TBX4: variants seen among roughly 807,000 people sequenced by gnomAD.
TBX4 encodes T-box transcription factor TBX4.
TBX4 carries 13 observed loss-of-function variants against 54.6 expected under a neutral mutation model. The observed-to-expected ratio is 0.24, with a 90% CI of 0.15 to 0.38. The LOEUF is 0.38. Ranked by LOEUF, TBX4 falls within the 10% of genes least tolerant of loss-of-function variation. TBX4 has a pLI of 1.00. For missense variants in TBX4, 631 were observed against 728.5 expected (o/e 0.87, Z 1.54); for synonymous variants, 314 against 306.7 (o/e 1.02, Z -0.25).
chr17:61,453,445 A>G (rs983373569), intron 1 of TBX4, among the ~76,000 whole-genome samples: 9 of 152,226 alleles, frequency 5.9e-5, no homozygotes, highest in Non-Finnish European at 1.0e-4. Context: ...GTGAACTATT[A>G]AAAGAAATAT....
chr17:61,467,183 T>G, intron 4 of TBX4, among the ~76,000 whole-genome samples: 1 of 152,114 alleles, frequency 6.6e-6, no homozygotes, highest in East Asian at 1.9e-4. Flanking sequence ...AAATCATAAG[T>G]GTAAATATAC....
At chr17:61,452,962 A>C in intron 1 of TBX4, 1 of 985,454 alleles carries the variant, frequency 1.0e-6, no homozygotes, top group Non-Finnish European at 1.2e-6. Flanking sequence ...GGGCCCCGGT[A>C]CTGGAGCGAA....
At chr17:61,469,402 G>A (rs2060560014) in intron 5 of TBX4, among the ~76,000 whole-genome samples, 1 of 152,194 alleles carries the variant, frequency 6.6e-6, no homozygotes, top group South Asian at 2.1e-4. Context: ...GGTGCCCCTG[G>A]CTGCATCTGC....
At position 61,475,381 on chromosome 17, in the gene TBX4, T is replaced by A. The variant is rs183648845; in HGVS notation, c.550-3246T>A. On this transcript the variant is annotated intron_variant, in intron 5 of 8. Coordinates refer to ENST00000644296, the MANE Select transcript of TBX4 (RefSeq NM_001321120.2). The surrounding 1 kb of genome is among the most constrained non-coding windows in gnomAD (Gnocchi z 5.0). ...AAAGAGGAGGAAATACAAAAGGCCC[T>A]GCTCTTAAGCAATGCACATCTTCCT... Among the ~76,000 whole-genome samples the A allele has an allele frequency of 1.3e-5, 2 of 152,322 alleles. No individual in the cohort carries two copies. The highest frequency in any genetic ancestry group is 3.9e-4 in the East Asian group (2 of 5,184).
At position 61,474,380 on chromosome 17, in the gene TBX4, T is replaced by A. The variant is rs1002021504; in HGVS notation, c.550-4247T>A. Among the ~76,000 whole-genome samples, 1 of 152,184 alleles carries A rather than the reference T, an allele frequency of 6.6e-6. No homozygotes were observed. The highest frequency in any genetic ancestry group is 2.4e-5 in the African/African-American group (1 of 41,434). On this transcript the variant is annotated intron_variant, in intron 5 of 8. Transcript: ENST00000644296. The surrounding 1 kb of genome is among the most constrained non-coding windows in gnomAD (Gnocchi z 4.6). Reference sequence around the variant, plus strand: ...AGGCCATCTGGATCCTGCTCCAGACTGTGTCTCCAACCAGCTGTGTGTTCC... The same window carrying A: ...AGGCCATCTGGATCCTGCTCCAGACAGTGTCTCCAACCAGCTGTGTGTTCC...
chr17:61,473,603 A>G (rs1361996179), intron 5 of TBX4, among the ~76,000 whole-genome samples: 3 of 152,206 alleles, frequency 2.0e-5, no homozygotes, highest in Non-Finnish European at 4.4e-5. Flanking sequence ...ACTCCAGATC[A>G]GGTCCCACCC....
chr17:61,458,794 T>TA (rs1268523634), intron 3 of TBX4, among the ~76,000 whole-genome samples: 2 of 152,262 alleles, frequency 1.3e-5, no homozygotes. Context: ...TAGAGAAGTG[T>TA]CTGGCGTCCC....
chr17:61,465,735 C>A lies in TBX4; in HGVS notation c.282-84C>A. On this transcript the variant is annotated intron_variant, in intron 3 of 8. Coordinates refer to ENST00000644296, the MANE Select transcript of TBX4 (RefSeq NM_001321120.2). This position sits in a 1 kb window ranked among gnomAD's most constrained non-coding sequence, Gnocchi z 4.9. ...TGGCCAAAAGGGCAGCATCTGTTAG[C>A]GGCCTTCTGCCCCCTTGCTCACTCT... 6.4e-7 allele frequency: 1 copy of A among 1,571,028 alleles called. No homozygotes were observed. The highest frequency in any genetic ancestry group is 1.7e-4 in the Middle Eastern group (1 of 5,916).
rs2060689344 is a variant in TBX4, at chr17:61,484,543, A to G, written c.*1027A>G. On this transcript the variant is annotated 3_prime_UTR_variant, in exon 9 of 9. Transcript: ENST00000644296. This position sits in a 1 kb window ranked among gnomAD's most constrained non-coding sequence, Gnocchi z 4.1. Reference sequence around the variant, plus strand: ...GCCAACAGAAATAAAGATAGTTGAAAAAAATTTGTTTCTTCCAGTAAATTC... The same window carrying G: ...GCCAACAGAAATAAAGATAGTTGAAGAAAATTTGTTTCTTCCAGTAAATTC... 1 of 152,132 alleles carries G rather than the reference A, an allele frequency of 6.6e-6. No individual in the cohort carries two copies. The highest frequency in any genetic ancestry group is 1.5e-5 in the Non-Finnish European group (1 of 68,018). 9.4% of individuals were successfully genotyped at this position (152,132 alleles called of 1,614,324 possible).
intron 5 of TBX4, among the ~76,000 whole-genome samples, chr17:61,477,027 T>G (rs560903569): frequency 1.3e-5 from 2 of 152,310 alleles, no homozygotes; most frequent in African/African-American, 4.8e-5. Flanking sequence ...GGTTAAACCT[T>G]TCATTCAGCG....
chr17:61,483,212 A>C lies in TBX4; in HGVS notation c.1337A>C (p.His446Pro). Residue 446 changes from histidine (H) to proline (P), a missense_variant, in exon 9 of 9, where the codon CAC (histidine) becomes CCC (proline). Physicochemically the swap from His to Pro is moderately conservative, Grantham distance 77. Coordinates refer to ENST00000644296, the MANE Select transcript of TBX4 (RefSeq NM_001321120.2). This position sits in a 1 kb window ranked among gnomAD's most constrained non-coding sequence, Gnocchi z 6.6. ...GTGCCGTACCAGCCCTTCCCCACGC[A>C]CTTCACCGCCACCACCATGATGCCG... ...ETVPYQPFPT[H>P]FTATTMMPRL... 1.2e-6 allele frequency: 2 copies of C among 1,614,060 alleles called. No individual in the cohort carries two copies. Among genetic ancestry groups the C allele is most frequent in the Non-Finnish European group, 1.7e-6 (2 of 1,180,002 alleles).
At position 61,462,711 on chromosome 17, in the gene TBX4, C is replaced by G. The variant is rs2060505499; in HGVS notation, c.282-3108C>G. ...AGTGTCTTCCTTCTTGGTCACCTCC[C>G]CCACCCCAACACACAAACAGGGAGG... On this transcript the variant is annotated intron_variant, in intron 3 of 8. Transcript: ENST00000644296. This position sits in a 1 kb window ranked among gnomAD's most constrained non-coding sequence, Gnocchi z 4.5. Among the ~76,000 whole-genome samples the G allele has an allele frequency of 6.6e-6, 1 of 152,216 alleles. No individual in the cohort carries two copies. The highest frequency in any genetic ancestry group is 2.1e-4 in the South Asian group (1 of 4,836).
rs749954407 is a variant in TBX4, at chr17:61,480,180, C to T, written c.882C>T (p.Leu294=). 27 of 1,614,104 alleles carry T rather than the reference C, an allele frequency of 1.7e-5. No homozygotes were observed. Among genetic ancestry groups the T allele is most frequent in the Middle Eastern group, 1.6e-4 (1 of 6,062 alleles). Residue 294 remains leucine (L), a synonymous_variant, in exon 8 of 9, where the codon CTC becomes CTT. Transcript: ENST00000644296. This position sits in a 1 kb window ranked among gnomAD's most constrained non-coding sequence, Gnocchi z 6.2. ...CCACACCGGACGTGGGCCCCCTGCTCGGCACCCACCAGGCACTCCAGCACT... is the reference window on the plus strand; with the variant it reads ...CCACACCGGACGTGGGCCCCCTGCTTGGCACCCACCAGGCACTCCAGCACT... The part of the protein sequence containing the change: ...LSATPDVGPL[L]GTHQALQHYQ...
Position 61,479,977 on chromosome 17 carries a change from T to G in TBX4, c.791+8T>G. The G allele has an allele frequency of 6.2e-7, 1 of 1,613,824 alleles. No homozygotes were observed. Among genetic ancestry groups the G allele is most frequent in the Non-Finnish European group, 8.5e-7 (1 of 1,179,856 alleles). On this transcript the variant is annotated splice_region_variant and intron_variant, in intron 7 of 8. Coordinates refer to ENST00000644296, the MANE Select transcript of TBX4 (RefSeq NM_001321120.2). The surrounding 1 kb of genome is among the most constrained non-coding windows in gnomAD (Gnocchi z 6.1). ...TGTGGCCCGACTGCAGAGGTGGGGC[T>G]GCGTAGCCTGGGGGTGGGGCGGGCA...
intron 1 of TBX4, among the ~76,000 whole-genome samples, chr17:61,454,651 C>A (rs2060434224): frequency 6.6e-6 from 1 of 152,262 alleles, no homozygotes; most frequent in Non-Finnish European, 1.5e-5. Flanking sequence ...GAGCACTGAG[C>A]AGGCCTCGTC....
chr17:61,459,988 T>C lies in TBX4; in HGVS notation c.281+2357T>C, dbSNP rs1161834568. ...GTGCCTCTCCCTGCTCCCCAAATTC[T>C]GTGTGCCTCTACTGGAACCCTTCTT... On this transcript the variant is annotated intron_variant, in intron 3 of 8. Coordinates refer to ENST00000644296, the MANE Select transcript of TBX4 (RefSeq NM_001321120.2). The surrounding 1 kb of genome is among the most constrained non-coding windows in gnomAD (Gnocchi z 4.8). Among the ~76,000 whole-genome samples the C allele has an allele frequency of 6.6e-6, 1 of 152,160 alleles. No individual in the cohort carries two copies. The highest frequency in any genetic ancestry group is 1.5e-5 in the Non-Finnish European group (1 of 68,044).
chr17:61,455,992 C>G (rs11867179), intron 1 of TBX4, among the ~76,000 whole-genome samples: 36,159 of 152,124 alleles, frequency 0.24, 4,695 homozygotes, highest in East Asian at 0.32. Flanking sequence ...GAGGCCCTCT[C>G]TGCACACAGG....
At position 61,456,476 on chromosome 17, in the gene TBX4, C is replaced by T. The variant is rs1603248137; in HGVS notation, c.-3-12C>T. 1.3e-6 allele frequency: 2 copies of T among 1,563,622 alleles called. No homozygotes were observed. The highest frequency in any genetic ancestry group is 1.7e-6 in the Non-Finnish European group (2 of 1,154,316). ...ACCTGGGCGAGTGACTCGTTGTGTG[C>T]TGTGCCCGCAGGAGATGCTGCAGGA... is the stretch of plus-strand genomic sequence containing the variant. On this transcript the variant is annotated splice_polypyrimidine_tract_variant and intron_variant, in intron 1 of 8. Coordinates refer to ENST00000644296, the MANE Select transcript of TBX4 (RefSeq NM_001321120.2).
In TBX4 at chr17:61,457,575, G is replaced by C; in HGVS notation, c.225G>C (p.Glu75Asp). ...TCAAGGTGGGGCTGCATGAGAAGGAGCTCTGGAAGAAGTTCCACGAGGCGG... is the reference window on the plus strand; with the variant it reads ...TCAAGGTGGGGCTGCATGAGAAGGACCTCTGGAAGAAGTTCCACGAGGCGG... ...ENIKVGLHEK[E>D]LWKKFHEAGT... The change falls in exon 3 of 9, where the codon GAG becomes GAC. Residue 75 changes from glutamate to aspartate, a missense_variant. Glu to Asp is a conservative substitution (Grantham distance 45). Transcript: ENST00000644296. This position sits in a 1 kb window ranked among gnomAD's most constrained non-coding sequence, Gnocchi z 8.2. 6.2e-7 allele frequency: 1 copy of C among 1,614,006 alleles called. No individual in the cohort carries two copies.
Sources: allele counts gnomAD v4.1 joint callset (sites outside exome capture counted in the v4.1 genomes callset), GRCh38; gene constraint gnomAD v4.1.1; non-coding constraint Gnocchi (gnomAD v3.1); transcripts MANE v1.5; gene names NCBI Gene and HGNC (gene_info 2026-07-23, HGNC 2026-07-21).